The following CPEB3 variants were observed in gnomAD, a reference collection of about 807,000 sequenced individuals.
The protein encoded by CPEB3 is cytoplasmic polyadenylation element binding protein 3.
In CPEB3, 20 loss-of-function variants were observed where a neutral mutation model predicts 67.2. The ratio of observed to expected loss-of-function variants is 0.30; its 90% CI spans 0.21 to 0.43. The LOEUF is 0.43. Among genes scored for constraint, CPEB3 ranks in the 20% least tolerant of loss-of-function variants. The pLI is 1.00. For missense variants in CPEB3, 746 were observed against 968.6 expected (o/e 0.77, Z 3.05); for synonymous variants, 376 against 393.1 (o/e 0.96, Z 0.51).
intron 7 of CPEB3, among the ~76,000 whole-genome samples, chr10:92,102,195 G>A (rs969024399): frequency 3.3e-5 from 5 of 152,216 alleles, no homozygotes; most frequent in Non-Finnish European, 5.9e-5. Context: ...GTAGTGGAGA[G>A]AAAGGAGTCT....
At position 92,239,543 on chromosome 10, in the gene CPEB3, G is replaced by A. The variant is rs1172889716; in HGVS notation, c.808C>T (p.Arg270Trp). The A allele has an allele frequency of 1.3e-6, 2 of 1,558,388 alleles. No homozygotes were observed. Residue 270 changes from arginine to tryptophan, a missense_variant, in exon 2 of 10, where the codon CGG (arginine) becomes TGG (tryptophan). Around this residue, in one of 2 missense-constraint regions of CPEB3, gnomAD observed 643 missense variants for 717.5 expected, o/e 0.90. Transcript: ENST00000265997. This position sits in a 1 kb window ranked among gnomAD's most constrained non-coding sequence, Gnocchi z 6.0. ...ACACCCACGCCCACACCGACCGCCC[G>A]GCGAGGGTCCCGGCCCGCCTGCAGG... ...GGLQAGRDPR[R>W]AVGVGVGVGV...
At chr10:92,146,526 G>A (rs1336396294) in intron 4 of CPEB3, among the ~76,000 whole-genome samples, 1 of 151,404 alleles carries the variant, frequency 6.6e-6, no homozygotes, top group African/African-American at 2.4e-5. Context: ...TGTCACAACA[G>A]CCAACTCTAA....
At position 92,139,766 on chromosome 10, in the gene CPEB3, T is replaced by C. The variant is rs192100013; in HGVS notation, c.1453+3263A>G. ...CATTTACCCTGATGTGATTATTACA[T>C]ACTGTATGCCTATATCAAAATATCT... On this transcript the variant is annotated intron_variant, in intron 6 of 9. Transcript: ENST00000265997. Among the ~76,000 whole-genome samples, 275 of 152,250 alleles carry C rather than the reference T, an allele frequency of 1.8e-3. 1 individual carries two copies. Among genetic ancestry groups the C allele is most frequent in the African/African-American group, 6.4e-3 (267 of 41,574 alleles).
In CPEB3 at chr10:92,253,480, AAAAAG is replaced by A. The variant is rs1368679060; in HGVS notation, c.-11-13124_-11-13120del. Among the ~76,000 whole-genome samples the A allele has an allele frequency of 2.5e-4, 37 of 150,236 alleles. No homozygotes were observed. The East Asian group carries it at 2.5e-3, about 10-fold the overall frequency. The stretch of plus-strand genomic sequence containing the variant: ...TCTCAAAACAAAAAAAAAAAAAAAA[AAAAAG>A]AAAAGAAAGAAAAGAAAATTCAGAA... On this transcript the variant is annotated intron_variant, in intron 1 of 9. Coordinates refer to ENST00000265997, the MANE Select transcript of CPEB3 (RefSeq NM_014912.5).
At chr10:92,099,701 A>AG (rs2133376350) in intron 7 of CPEB3, among the ~76,000 whole-genome samples, 1 of 150,940 alleles carries the variant, frequency 6.6e-6, no homozygotes, top group Admixed American at 6.6e-5. Context: ...TAAAAAAAAA[A>AG]AAAATACAAA....
At chr10:92,253,826 G>C (rs543600607) in intron 1 of CPEB3, among the ~76,000 whole-genome samples, 1 of 152,262 alleles carries the variant, frequency 6.6e-6, no homozygotes, top group South Asian at 2.1e-4. Flanking sequence ...CCAAATAGGA[G>C]GGGGAGCCTT....
At chr10:92,206,861 G>A (rs1450991226) in intron 2 of CPEB3, among the ~76,000 whole-genome samples, 1 of 152,080 alleles carries the variant, frequency 6.6e-6, no homozygotes, top group Non-Finnish European at 1.5e-5. Context: ...TAATAGGTCT[G>A]GGAGAGTTAT....
At chr10:92,162,654 G>T (rs1334188217) in intron 4 of CPEB3, among the ~76,000 whole-genome samples, 1 of 152,140 alleles carries the variant, frequency 6.6e-6, no homozygotes, top group Non-Finnish European at 1.5e-5. Flanking sequence ...AAGTGGATTT[G>T]TATGGTCAGT....
At chr10:92,219,857 T>C (rs991236244) in intron 2 of CPEB3, among the ~76,000 whole-genome samples, 2 of 152,196 alleles carry the variant, frequency 1.3e-5, no homozygotes, top group African/African-American at 2.4e-5. Flanking sequence ...GATCAAAATA[T>C]GATAAAAGTC....
At chr10:92,060,838 G>T (rs1307772806) in intron 9 of CPEB3, among the ~76,000 whole-genome samples, 1 of 152,118 alleles carries the variant, frequency 6.6e-6, no homozygotes, top group Non-Finnish European at 1.5e-5. Context: ...AGTTAAAATG[G>T]TTTATATCCA....
intron 7 of CPEB3, among the ~76,000 whole-genome samples, chr10:92,102,611 G>C (rs976760426): frequency 6.6e-6 from 1 of 152,234 alleles, no homozygotes; most frequent in African/African-American, 2.4e-5. Flanking sequence ...TGTTTCATAA[G>C]GGCACTCAGT....
chr10:92,091,554 T>G (rs920864553), intron 8 of CPEB3, among the ~76,000 whole-genome samples: 1 of 152,168 alleles, frequency 6.6e-6, no homozygotes, highest in Admixed American at 6.5e-5. Context: ...CCAAATGTGT[T>G]ATTATTTTTT....
intron 2 of CPEB3, among the ~76,000 whole-genome samples, chr10:92,198,938 G>C (rs1373155660): frequency 6.6e-6 from 1 of 152,206 alleles, no homozygotes; most frequent in Non-Finnish European, 1.5e-5. Flanking sequence ...AAATCAAAAG[G>C]ATGGTAGATG....
intron 9 of CPEB3, among the ~76,000 whole-genome samples, chr10:92,057,304 G>A (rs938489529): frequency 1.3e-5 from 2 of 152,210 alleles, no homozygotes; most frequent in East Asian, 1.9e-4. Flanking sequence ...GGGCCTTAAC[G>A]GCCTGGCAGT....
chr10:92,130,558 G>T (rs532708930), intron 6 of CPEB3, among the ~76,000 whole-genome samples: 2 of 151,934 alleles, frequency 1.3e-5, no homozygotes, highest in South Asian at 2.1e-4. Flanking sequence ...TGTGCTGAAA[G>T]AGCTGAAGTC....
At chr10:92,211,147 C>T (rs914130938) in intron 2 of CPEB3, among the ~76,000 whole-genome samples, 1 of 152,180 alleles carries the variant, frequency 6.6e-6, no homozygotes, top group Non-Finnish European at 1.5e-5. Flanking sequence ...ATGCTTTTGT[C>T]AGCTATAAAG....
chr10:92,190,874 G>A (rs1329147344), intron 3 of CPEB3, among the ~76,000 whole-genome samples: 1 of 152,000 alleles, frequency 6.6e-6, no homozygotes, highest in Middle Eastern at 3.2e-3. Context: ...GAAAAGCTAT[G>A]TGCAAGAACT....
In CPEB3 at chr10:92,052,218, C is replaced by A; in HGVS notation, c.2091G>T (p.Trp697Cys). The stretch of plus-strand genomic sequence containing the variant: ...GGCTGGGTCGGCCCGTGGCTCAGCT[C>A]CAGCGGAACGGGACGTGACGAGGGC... ...GDRPRHVPFR[W>C]S The change falls in exon 10 of 10, where the codon TGG (tryptophan) becomes TGT (cysteine). Residue 697 changes from tryptophan (W) to cysteine (C), a missense_variant. Trp to Cys is a radical substitution (Grantham distance 215, BLOSUM62 -2). This residue lies in a region of CPEB3 where 103 missense variants were observed against 251.1 expected (regional missense o/e 0.41). Transcript: ENST00000265997. 6.2e-7 allele frequency: 1 copy of A among 1,612,854 alleles called. No homozygotes were observed. Among genetic ancestry groups the A allele is most frequent in the Non-Finnish European group, 8.5e-7 (1 of 1,179,338 alleles).
chr10:92,220,945 C>A (rs1412744786), intron 2 of CPEB3, among the ~76,000 whole-genome samples: 1 of 152,186 alleles, frequency 6.6e-6, no homozygotes, highest in Non-Finnish European at 1.5e-5. Context: ...AGGAACTAGG[C>A]CTCTCACAGA....
Sources: allele counts gnomAD v4.1 joint callset (sites outside exome capture counted in the v4.1 genomes callset), GRCh38; gene constraint gnomAD v4.1.1; regional missense constraint gnomAD v4.1.1; non-coding constraint Gnocchi (gnomAD v3.1); transcripts MANE v1.5; gene names NCBI Gene and HGNC (gene_info 2026-07-23, HGNC 2026-07-21).